Variants in HTT observed in about 807,000 individuals in gnomAD.
HTT encodes huntingtin.
Under a neutral mutation model 362.3 loss-of-function variants are expected in HTT, and 104 were observed. The observed-to-expected ratio is 0.29, with a 90% confidence interval of 0.24 to 0.34. The LOEUF is 0.34. HTT is among the 10% of genes least tolerant of loss of function. HTT has a pLI of 1.00. For missense variants in HTT, 3,301 were observed against 3,928.6 expected (o/e 0.84, Z 4.27); for synonymous variants, 1,577 against 1,548.7 (o/e 1.02, Z -0.43).
chr4:3,225,461 C>T (rs909990802), intron 56 of HTT, among the ~76,000 whole-genome samples, 200 bp from the exon 57 acceptor site: 2 of 152,384 alleles, frequency 1.3e-5, no homozygotes, highest in East Asian at 3.9e-4. Context: ...CCCACTGGCC[C>T]TGCCAGCTTA....
Position 3,160,348 on chromosome 4 carries a change from C to T in HTT, c.3820C>T (p.Leu1274Phe). The change falls in exon 29 of 67, where the codon CTT (leucine) becomes TTT (phenylalanine). Residue 1274 changes from leucine (L) to phenylalanine (F), a missense_variant. Around this residue, in one of 4 missense-constraint regions of HTT, gnomAD observed 2,316 missense variants for 2,658.5 expected, o/e 0.87. Transcript: ENST00000355072. ...GGFLRSALDV[L>F]SQILELATLQ... ...GTTTCTCCGCTCAGCCTTGGATGTTCTTTCTCAGATACTAGAGCTGGCCAC... is the reference window on the plus strand; with the variant it reads ...GTTTCTCCGCTCAGCCTTGGATGTTTTTTCTCAGATACTAGAGCTGGCCAC... 1 of 1,555,584 alleles carries T rather than the reference C, an allele frequency of 6.4e-7. No homozygotes were observed. The highest frequency in any genetic ancestry group is 1.4e-5 in the African/African-American group (1 of 73,684).
intron 56 of HTT, among the ~76,000 whole-genome samples, chr4:3,225,114 G>T (rs1437095012): frequency 2.0e-5 from 3 of 151,728 alleles, no homozygotes; most frequent in Non-Finnish European, 2.9e-5. Flanking sequence ...GAATTGGGGG[G>T]ATGCCCAGCA....
At chr4:3,205,731 A>G (rs1037549871) in intron 42 of HTT, among the ~76,000 whole-genome samples, 1 of 152,166 alleles carries the variant, frequency 6.6e-6, no homozygotes, top group Non-Finnish European at 1.5e-5. Flanking sequence ...CCTGAAAAAA[A>G]TCCTAAATTC....
intron 6 of HTT, chr4:3,112,930 T>G (rs1157431709): frequency 2.1e-6 from 1 of 472,100 alleles, no homozygotes; most frequent in African/African-American, 2.1e-5. Flanking sequence ...GCTTTTACTC[T>G]TAGCCTTCCT....
Position 3,228,390 on chromosome 4 carries a change from T to G in HTT, c.7849-225T>G, listed in dbSNP as rs570610753. 1.3e-5 allele frequency among the ~76,000 whole-genome samples: 2 copies of G among 152,316 alleles called. No individual in the cohort carries two copies. The highest frequency in any genetic ancestry group is 4.1e-4 in the South Asian group (2 of 4,830). On this transcript the variant is annotated intron_variant, in intron 57 of 66. Coordinates refer to ENST00000355072, the MANE Select transcript of HTT (RefSeq NM_001388492.1). This position sits in a 1 kb window ranked among gnomAD's most constrained non-coding sequence, Gnocchi z 4.3. ...GCTGCTCCTGGGGTTGACTGGCCCC[T>G]GATTCATGCCTTTAGCATGTGCTGG...
intron 64 of HTT, among the ~76,000 whole-genome samples, chr4:3,237,545 T>C (rs992549646): frequency 2.0e-5 from 3 of 152,054 alleles, no homozygotes; most frequent in African/African-American, 4.8e-5. Context: ...CCAAAGAGTG[T>C]GGTGCACGCC....
chr4:3,234,713 G>A (rs1721435490), intron 61 of HTT, among the ~76,000 whole-genome samples: 1 of 152,224 alleles, frequency 6.6e-6, no homozygotes, highest in Non-Finnish European at 1.5e-5. Context: ...GTGCCTCCGA[G>A]GTGGAGGTGG....
intron 29 of HTT, among the ~76,000 whole-genome samples, chr4:3,163,967 G>A (rs752737955): frequency 1.3e-5 from 2 of 151,754 alleles, no homozygotes; most frequent in Non-Finnish European, 2.9e-5. Flanking sequence ...TCTTCTGCTA[G>A]CTTTTGAATT....
chr4:3,140,476 T>G, intron 21 of HTT, 34 bp from the exon 22 acceptor site: 1 of 1,609,900 alleles, frequency 6.2e-7, no homozygotes, highest in Non-Finnish European at 8.5e-7. Context: ...TTTCATCTAC[T>G]TTCTTAAGCA....
At chr4:3,181,106 T>G (rs556424812) in intron 36 of HTT, among the ~76,000 whole-genome samples, 1 of 152,036 alleles carries the variant, frequency 6.6e-6, no homozygotes, top group South Asian at 2.1e-4. Context: ...TGTTTCGAAC[T>G]CCTGACCTCA....
intron 29 of HTT, among the ~76,000 whole-genome samples, chr4:3,164,856 G>A (rs1717622932): frequency 6.6e-6 from 1 of 152,144 alleles, no homozygotes; most frequent in African/African-American, 2.4e-5. Context: ...GCACACCAAT[G>A]GGTCTTGACT....
chr4:3,219,642 A>G (rs1720585167), intron 52 of HTT, among the ~76,000 whole-genome samples: 1 of 152,158 alleles, frequency 6.6e-6, no homozygotes, highest in African/African-American at 2.4e-5. Context: ...GAAGGCATGT[A>G]AGCTGAGCTG....
At chr4:3,210,558 G>T (rs879891053) in intron 47 of HTT, among the ~76,000 whole-genome samples, 1 of 152,194 alleles carries the variant, frequency 6.6e-6, no homozygotes, top group Admixed American at 6.5e-5. Context: ...AGGAGGCCAT[G>T]CAAAGCCTTG....
intron 9 of HTT, 79 bp from the exon 10 acceptor site, chr4:3,122,810 C>A: frequency 1.7e-6 from 2 of 1,151,256 alleles, no homozygotes; most frequent in East Asian, 2.4e-5. Context: ...AAAGTTGAAT[C>A]AAGCTGTTTG....
rs1715720685 is a variant in HTT, at chr4:3,129,910, C to T, written c.1744-14C>T. 7.4e-6 allele frequency: 12 copies of T among 1,613,872 alleles called. No homozygotes were observed. Among genetic ancestry groups the T allele is most frequent in the Non-Finnish European group, 9.3e-6 (11 of 1,179,910 alleles). The stretch of plus-strand genomic sequence containing the variant: ...ACACTTCAAAATTCTCACAGCCCCC[C>T]TTGAACCGTTTAGGTGTTAGACGGT... On this transcript the variant is annotated splice_polypyrimidine_tract_variant and intron_variant, in intron 12 of 66. Coordinates refer to ENST00000355072, the MANE Select transcript of HTT (RefSeq NM_001388492.1).
Position 3,157,141 on chromosome 4 carries a change from A to G in HTT, c.3695A>G (p.His1232Arg). Residue 1232 changes from histidine (H) to arginine (R), a missense_variant, in exon 28 of 67, where the codon CAT becomes CGT. By Grantham distance (29) the His-to-Arg change is conservative (BLOSUM62 0). Transcript: ENST00000355072. ...SKSSSLGSFYHLPSYLKLHDV... is the reference protein window; with the variant it reads ...SKSSSLGSFYRLPSYLKLHDV... ...TCCTCATCACTGGGGAGTTTCTATC[A>G]TCTTCCTTCATACCTCAAACTGCAT... 6.2e-7 allele frequency: 1 copy of G among 1,613,622 alleles called. No individual in the cohort carries two copies. The highest frequency in any genetic ancestry group is 8.5e-7 in the Non-Finnish European group (1 of 1,179,598).
At chr4:3,237,080 C>A (rs1283827756) in intron 64 of HTT, among the ~76,000 whole-genome samples, 1 of 149,970 alleles carries the variant, frequency 6.7e-6, no homozygotes, top group Non-Finnish European at 1.5e-5. Flanking sequence ...TTTTTTTTTT[C>A]TTTTCTTTTT....
chr4:3,079,850 A>G (rs1712793770), intron 1 of HTT, among the ~76,000 whole-genome samples: 1 of 152,188 alleles, frequency 6.6e-6, no homozygotes, highest in Non-Finnish European at 1.5e-5. Flanking sequence ...CTGTCAGGGT[A>G]CCGGCTGTCG....
At position 3,239,034 on chromosome 4, in the gene HTT, C is replaced by T. The variant is rs566117141; in HGVS notation, c.9215+56C>T. 57 of 1,512,784 alleles carry T rather than the reference C, an allele frequency of 3.8e-5. No individual in the cohort carries two copies. The South Asian group carries it at 6.3e-4, about 17-fold the overall frequency. 93.7% of individuals were successfully genotyped at this position (1,512,784 alleles called of 1,614,324 possible). ...CGTTTCCCTTGTCAACACCGAGGCT[C>T]ATGTTTCATGATAAGGTTTTGAAAC... On this transcript the variant is annotated intron_variant, in intron 66 of 66. Transcript: ENST00000355072.
Sources: allele counts gnomAD v4.1 joint callset (sites outside exome capture counted in the v4.1 genomes callset), GRCh38; gene constraint gnomAD v4.1.1; regional missense constraint gnomAD v4.1.1; non-coding constraint Gnocchi (gnomAD v3.1); transcripts MANE v1.5; gene names NCBI Gene and HGNC (gene_info 2026-07-23, HGNC 2026-07-21).